The following NLRP5 variants were observed in gnomAD, a reference collection of about 807,000 sequenced individuals.
NLRP5 encodes NACHT, LRR and PYD domains-containing protein 5.
A neutral mutation model predicts 113.1 loss-of-function variants in NLRP5; 93 were observed. The ratio of observed to expected loss-of-function variants is 0.82; its 90% CI spans 0.70 to 0.98. NLRP5 has a LOEUF of 0.98. Among genes scored for constraint, NLRP5 ranks in the 50% least tolerant of loss-of-function variants. NLRP5 has a pLI of 0.00. For missense variants in NLRP5, 1,808 were observed against 1,514.3 expected, an observed-to-expected ratio of 1.19 and a Z score of -3.22; for synonymous variants, 751 against 600.7, an observed-to-expected ratio of 1.25 and a Z score of -3.66.
At chr19:56,030,535 T>A (rs1303692020) in intron 7 of NLRP5, among the ~76,000 whole-genome samples, 1 of 152,074 alleles carries the variant, frequency 6.6e-6, no homozygotes, top group African/African-American at 2.4e-5. Context: ...TGCCCGTTAC[T>A]TTGTTCTTTC....
intron 2 of NLRP5, among the ~76,000 whole-genome samples, chr19:56,008,537 G>T (rs1357650139): frequency 6.6e-6 from 1 of 152,130 alleles, no homozygotes; most frequent in Non-Finnish European, 1.5e-5. Context: ...CTCATTGTGT[G>T]ACTTACCCAA....
chr19:56,008,439 T>C (rs1443402736), intron 2 of NLRP5, among the ~76,000 whole-genome samples: 1 of 152,088 alleles, frequency 6.6e-6, no homozygotes, highest in Non-Finnish European at 1.5e-5. Flanking sequence ...CTCATAGGCA[T>C]CTAGTGAGTC....
In NLRP5 at chr19:56,008,051, C is replaced by G. The variant is rs949625147; in HGVS notation, c.443-737C>G. On this transcript the variant is annotated intron_variant, in intron 2 of 14. Transcript: ENST00000390649. ...TCGTGCCATTCTCCTGCCTCAGCCT[C>G]CCGAGTAGCTGGGACTACAGGCGCC... is the stretch of plus-strand genomic sequence containing the variant. Among the ~76,000 whole-genome samples, 31 of 136,490 alleles carry G rather than the reference C, an allele frequency of 2.3e-4. 1 individual carries two copies. In the South Asian group the frequency reaches 4.2e-3, roughly 19 times the overall value. 89.5% of individuals were successfully genotyped at this position (136,490 alleles called of 152,430 possible). A position where few individuals can be genotyped will look rare whatever the true frequency, so the allele number is the denominator to read the frequency against.
intron 7 of NLRP5, among the ~76,000 whole-genome samples, chr19:56,032,381 G>A (rs1194699099): frequency 1.3e-5 from 2 of 150,724 alleles, no homozygotes; most frequent in African/African-American, 2.4e-5. Context: ...AGGAGCTGGC[G>A]GTTCCCAGTC....
intron 11 of NLRP5, 63 bp downstream of exon 11, chr19:56,041,155 T>G: frequency 1.3e-6 from 2 of 1,544,636 alleles, no homozygotes; most frequent in Non-Finnish European, 1.8e-6. Context: ...GGTGTAGCTC[T>G]CAAAGCAGAA....
In NLRP5 at chr19:56,003,769, T is replaced by C; in HGVS notation, c.116T>C (p.Leu39Pro). The C allele has an allele frequency of 6.2e-7, 1 of 1,613,512 alleles. No individual in the cohort carries two copies. The highest frequency in any genetic ancestry group is 2.2e-5 in the East Asian group (1 of 44,886). The change falls in exon 2 of 15, where the codon CTT becomes CCT. Residue 39 changes from leucine to proline, a missense_variant. Transcript: ENST00000390649. ...TGCTCTATATTACCAAAGAATCCACTTTTCCCCCAAAACCTGAGCTCTCAG... is the reference window on the plus strand; with the variant it reads ...TGCTCTATATTACCAAAGAATCCACCTTTCCCCCAAAACCTGAGCTCTCAG...
At chr19:56,009,456 A>G (rs556879472) in intron 3 of NLRP5, among the ~76,000 whole-genome samples, 5 of 152,000 alleles carry the variant, frequency 3.3e-5, no homozygotes, top group African/African-American at 7.2e-5. Context: ...GCTCCTCCCA[A>G]TAACCCAGTA....
chr19:56,008,912 T>G lies in NLRP5; in HGVS notation c.508+59T>G, dbSNP rs1468571293. The G allele has an allele frequency of 4.1e-6, 6 of 1,451,536 alleles. No individual in the cohort carries two copies. The African/African-American group carries it at 8.4e-5, about 20-fold the overall frequency. 89.9% of individuals were successfully genotyped at this position (1,451,536 alleles called of 1,614,324 possible). ...GCTTAAAGACACATGGCAGCCAGTTTGCATCTCTAGGCATTAGAACCATGA... is the reference window on the plus strand; with the variant it reads ...GCTTAAAGACACATGGCAGCCAGTTGGCATCTCTAGGCATTAGAACCATGA... On this transcript the variant is annotated intron_variant, in intron 3 of 14. Coordinates refer to ENST00000390649, the MANE Select transcript of NLRP5 (RefSeq NM_153447.4).
At chr19:56,053,096 T>TG (rs1983990900) in intron 12 of NLRP5, among the ~76,000 whole-genome samples, 1 of 151,266 alleles carries the variant, frequency 6.6e-6, no homozygotes. Flanking sequence ...GACTTTGTCT[T>TG]GAAAAAAATA....
At chr19:55,988,644 T>G in the NLRP5 span, 1 of 152,002 alleles carries the variant, frequency 6.6e-6, no homozygotes, top group Admixed American at 6.6e-5. Flanking sequence ...ACTCGTTTCC[T>G]TACCCACCCC....
intron 11 of NLRP5, among the ~76,000 whole-genome samples, chr19:56,043,984 C>T (rs1348340650): frequency 6.6e-6 from 1 of 150,848 alleles, no homozygotes; most frequent in Non-Finnish European, 1.5e-5. Flanking sequence ...TCATGAAATC[C>T]TTGCCTAAGC....
At position 56,041,045 on chromosome 19, in the gene NLRP5, A is replaced by G. The variant is rs752695867; in HGVS notation, c.2910A>G (p.Leu970=). ...GCCTGGGGAACGAAGGTGTAAATCTACTGTGTCGATCCATGAGGCTTCCCC... is the reference window on the plus strand; with the variant it reads ...GCCTGGGGAACGAAGGTGTAAATCTGCTGTGTCGATCCATGAGGCTTCCCC... Residue 970 remains leucine, a synonymous_variant, in exon 11 of 15, where the codon CTA becomes CTG. Transcript: ENST00000390649. 3 of 1,613,916 alleles carry G rather than the reference A, an allele frequency of 1.9e-6. No individual in the cohort carries two copies. The highest frequency in any genetic ancestry group is 1.7e-6 in the Non-Finnish European group (2 of 1,179,862).
At chr19:56,022,288 C>T (rs1047313547) in intron 6 of NLRP5, among the ~76,000 whole-genome samples, 4 of 152,192 alleles carry the variant, frequency 2.6e-5, no homozygotes, top group Admixed American at 1.3e-4. Context: ...GGCACAATCA[C>T]AGCTCACTGC....
chr19:55,998,450 G>A (rs184291692), upstream of NLRP5, among the ~76,000 whole-genome samples: 11 of 151,964 alleles, frequency 7.2e-5, no homozygotes, highest in East Asian at 1.5e-3. Context: ...TCAGGAGTTC[G>A]AGACCAGTCT....
intron 10 of NLRP5, among the ~76,000 whole-genome samples, chr19:56,038,988 G>A (rs1467223072): frequency 6.6e-6 from 1 of 152,102 alleles, no homozygotes; most frequent in Non-Finnish European, 1.5e-5. Flanking sequence ...CTTGCTTACT[G>A]ATAACTGATC....
chr19:55,997,164 C>CAT (rs1981352046), upstream of NLRP5, among the ~76,000 whole-genome samples: 1 of 152,010 alleles, frequency 6.6e-6, no homozygotes, highest in Non-Finnish European at 1.5e-5. Context: ...ATATCCTTTG[C>CAT]CCACTTTTTG....
intron 6 of NLRP5, among the ~76,000 whole-genome samples, 172 bp downstream of exon 6, chr19:56,020,603 G>C (rs1464391467): frequency 1.3e-5 from 2 of 151,638 alleles, no homozygotes; most frequent in African/African-American, 4.9e-5. Context: ...CATGGATAGA[G>C]CTACGCAAGT....
At chr19:56,039,949 G>A (rs979473027) in intron 10 of NLRP5, among the ~76,000 whole-genome samples, 1 of 151,984 alleles carries the variant, frequency 6.6e-6, no homozygotes, top group Non-Finnish European at 1.5e-5. Context: ...ATGCCTAAGG[G>A]TCATGATGTG....
chr19:55,989,428 T>C, the NLRP5 span, among the ~76,000 whole-genome samples: 1 of 152,162 alleles, frequency 6.6e-6, no homozygotes, highest in Non-Finnish European at 1.5e-5. Context: ...AATTTTCATA[T>C]TTTTAGTAGA....
Sources: gnomAD v4.1 joint callset for allele counts (sites outside exome capture counted in the v4.1 genomes callset) on GRCh38, gnomAD v4.1.1 for gene constraint, MANE v1.5 for transcripts, NCBI Gene and HGNC (gene_info 2026-07-23, HGNC 2026-07-21) for gene names.